Variants in GUCY1A2 observed in about 807,000 individuals in gnomAD.
GUCY1A2 encodes guanylate cyclase 1 soluble subunit alpha 2, also known as guanylate cyclase soluble subunit alpha-2.
GUCY1A2 carries 27 observed loss-of-function variants against 63.5 expected under a neutral mutation model. The ratio of observed to expected loss-of-function variants is 0.43; its 90% CI spans 0.31 to 0.59. GUCY1A2 has a LOEUF of 0.59. Ranked by LOEUF, GUCY1A2 falls within the 20% of genes least tolerant of loss-of-function variation. The probability of loss-of-function intolerance (pLI) is 0.11; values close to 1 mark genes in which losing one functional copy is unlikely to be tolerated. For synonymous variants in GUCY1A2, 364 were observed against 343.5 expected, an observed-to-expected ratio of 1.06 and a Z score of -0.66; for missense variants, 768 against 913.3, an observed-to-expected ratio of 0.84 and a Z score of 2.05.
intron 3 of GUCY1A2, among the ~76,000 whole-genome samples, chr11:106,946,849 G>A (rs1860836122): frequency 6.6e-6 from 1 of 152,038 alleles, no homozygotes; most frequent in Admixed American, 6.6e-5. Context: ...CTTTTGTTAG[G>A]TAAATTGCAT....
At chr11:106,865,307 C>G (rs535589800) in intron 4 of GUCY1A2, among the ~76,000 whole-genome samples, 3 of 151,974 alleles carry the variant, frequency 2.0e-5, no homozygotes, top group East Asian at 3.9e-4. Context: ...GTCTGACTAG[C>G]AGTCTGTTAA....
At chr11:106,881,719 A>C (rs1359608851) in intron 4 of GUCY1A2, among the ~76,000 whole-genome samples, 1 of 152,004 alleles carries the variant, frequency 6.6e-6, no homozygotes, top group Non-Finnish European at 1.5e-5. Flanking sequence ...AATGTAAAGA[A>C]AGCTCTACAG....
intron 4 of GUCY1A2, among the ~76,000 whole-genome samples, chr11:106,869,017 C>T (rs1290687954): frequency 2.0e-5 from 3 of 152,164 alleles, no homozygotes; most frequent in Non-Finnish European, 4.4e-5. Flanking sequence ...AAAGGATTCT[C>T]TATTTAACAA....
chr11:106,984,220 C>T (rs1861373198), intron 2 of GUCY1A2, among the ~76,000 whole-genome samples: 1 of 152,122 alleles, frequency 6.6e-6, no homozygotes, highest in African/African-American at 2.4e-5. Context: ...CAGCCAACAC[C>T]CAAGCAAAAA....
chr11:107,009,336 T>A (rs1861713180), intron 1 of GUCY1A2, among the ~76,000 whole-genome samples: 1 of 152,218 alleles, frequency 6.6e-6, no homozygotes, highest in African/African-American at 2.4e-5. Flanking sequence ...TTCATTGGCA[T>A]GTAAACAAAT....
At chr11:106,869,384 T>A (rs1281504820) in intron 4 of GUCY1A2, among the ~76,000 whole-genome samples, 1 of 152,140 alleles carries the variant, frequency 6.6e-6, no homozygotes, top group Non-Finnish European at 1.5e-5. Context: ...ATATCCAGAA[T>A]CTACAAAGTA....
intron 6 of GUCY1A2, among the ~76,000 whole-genome samples, chr11:106,756,628 A>C (rs1051875186): frequency 6.6e-6 from 1 of 152,136 alleles, no homozygotes; most frequent in Non-Finnish European, 1.5e-5. Flanking sequence ...CTGGATATGA[A>C]ATTCTGGGTT....
chr11:106,927,533 A>G (rs1467369945), intron 4 of GUCY1A2, among the ~76,000 whole-genome samples: 1 of 152,118 alleles, frequency 6.6e-6, no homozygotes, highest in Admixed American at 6.5e-5. Context: ...AATAATATAT[A>G]TTATTTCACA....
intron 5 of GUCY1A2, among the ~76,000 whole-genome samples, chr11:106,805,247 C>T (rs1456692006): frequency 1.6e-5 from 1 of 60,770 alleles, no homozygotes; most frequent in Non-Finnish European, 3.1e-5. Context: ...TTATCACTAA[C>T]ATTTTTTTTT....
Position 106,675,136 on chromosome 11 carries a change from A to T in GUCY1A2, c.*12413T>A, listed in dbSNP as rs1862323449. On this transcript the variant is annotated 3_prime_UTR_variant, in exon 8 of 8. Transcript: ENST00000526355. ...GATTTTGAAATGAATGATATGTATT[A>T]TTTCTGGAATGCACTTAATCAGTAT... 4.7e-6 allele frequency: 1 copy of T among 213,310 alleles called. No homozygotes were observed. Among genetic ancestry groups the T allele is most frequent in the Non-Finnish European group, 9.5e-6 (1 of 105,516 alleles). The allele number at this position is 213,310 out of a possible 1,614,324, so 13.2% of individuals were successfully genotyped here.
chr11:106,974,538 C>G (rs1354341051), intron 3 of GUCY1A2, among the ~76,000 whole-genome samples: 2 of 151,970 alleles, frequency 1.3e-5, no homozygotes, highest in African/African-American at 4.8e-5. Context: ...CAGAGAGTTC[C>G]ATACCAGCTA....
intron 4 of GUCY1A2, among the ~76,000 whole-genome samples, chr11:106,914,785 T>G (rs923400629): frequency 6.6e-6 from 1 of 152,012 alleles, no homozygotes; most frequent in South Asian, 2.1e-4. Context: ...GTATAAAGTA[T>G]TTTGAAAGAC....
intron 6 of GUCY1A2, among the ~76,000 whole-genome samples, chr11:106,713,599 C>G (rs563208222): frequency 1.4e-5 from 2 of 143,950 alleles, no homozygotes; most frequent in Middle Eastern, 8.3e-3. Flanking sequence ...CTCCGTCTCC[C>G]GGGTTCACGC....
chr11:106,723,115 A>G (rs958878320), intron 6 of GUCY1A2, among the ~76,000 whole-genome samples: 12 of 152,188 alleles, frequency 7.9e-5, no homozygotes, highest in Non-Finnish European at 1.6e-4. Flanking sequence ...CCGATCCTTT[A>G]TGATTGTTTC....
At chr11:106,912,120 T>C (rs1282137002) in intron 4 of GUCY1A2, among the ~76,000 whole-genome samples, 1 of 152,034 alleles carries the variant, frequency 6.6e-6, no homozygotes, top group African/African-American at 2.4e-5. Flanking sequence ...GAAAATCACC[T>C]GAACTCTTTC....
intron 4 of GUCY1A2, among the ~76,000 whole-genome samples, chr11:106,880,944 G>C (rs551687088): frequency 2.0e-5 from 3 of 152,102 alleles, no homozygotes; most frequent in South Asian, 2.1e-4. Context: ...TCTGAAATTT[G>C]AGTTTTAGTG....
At position 106,715,692 on chromosome 11, in the gene GUCY1A2, C is replaced by T. The variant is rs1278370576; in HGVS notation, c.1837-7026G>A. On this transcript the variant is annotated intron_variant, in intron 6 of 7. Coordinates refer to ENST00000526355, the MANE Select transcript of GUCY1A2 (RefSeq NM_000855.3). The stretch of plus-strand genomic sequence containing the variant: ...CTACACTAAATATTTCCTGACTGCT[C>T]TACTCAGCACACTCCCTAAACTGCT... Among the ~76,000 whole-genome samples, 3 of 152,200 alleles carry T rather than the reference C, an allele frequency of 2.0e-5. No individual in the cohort carries two copies. In the East Asian group the frequency reaches 5.8e-4, roughly 29 times the overall value.
intron 4 of GUCY1A2, among the ~76,000 whole-genome samples, chr11:106,862,564 A>G (rs947873065): frequency 2.0e-5 from 3 of 152,062 alleles, no homozygotes; most frequent in African/African-American, 7.2e-5. Flanking sequence ...GGAACAAAGA[A>G]ACATTTAAAA....
intron 4 of GUCY1A2, among the ~76,000 whole-genome samples, chr11:106,925,150 T>C (rs952637968): frequency 1.2e-4 from 18 of 151,278 alleles, no homozygotes; most frequent in Non-Finnish European, 2.7e-4. Context: ...CCTGAAAAAG[T>C]TTTCAAAAGA....
Sources: allele counts gnomAD v4.1 joint callset (sites outside exome capture counted in the v4.1 genomes callset), GRCh38; gene constraint gnomAD v4.1.1; transcripts MANE v1.5; gene names NCBI Gene and HGNC (gene_info 2026-07-23, HGNC 2026-07-21).